Variants in ITGA1 observed in about 807,000 individuals in gnomAD.
ITGA1 encodes the protein integrin alpha-1.
In ITGA1, 85 loss-of-function variants were observed where a neutral mutation model predicts 145.9. The observed-to-expected ratio is 0.58, with a 90% CI of 0.49 to 0.70. The LOEUF is 0.70. Ranked by LOEUF, ITGA1 falls within the 30% of genes least tolerant of loss-of-function variation. The pLI is 0.00. For synonymous variants in ITGA1, 520 were observed against 495.3 expected, an observed-to-expected ratio of 1.05 and a Z score of -0.66; for missense variants, 1,351 against 1,418.7, an observed-to-expected ratio of 0.95 and a Z score of 0.77.
intron 6 of ITGA1, among the ~76,000 whole-genome samples, chr5:52,878,880 G>A (rs1749910405): frequency 6.6e-6 from 1 of 151,080 alleles, no homozygotes; most frequent in South Asian, 2.1e-4. Context: ...TGAGTCATTG[G>A]AGGGAAAAAA....
At chr5:52,884,424 G>A (rs911143037) in intron 7 of ITGA1, among the ~76,000 whole-genome samples, 5 of 147,064 alleles carry the variant, frequency 3.4e-5, no homozygotes, top group Admixed American at 2.1e-4. Context: ...TTCAGCCTGG[G>A]CAACAAGAGC....
At chr5:52,874,454 A>G (rs1379913810) in intron 6 of ITGA1, among the ~76,000 whole-genome samples, 1 of 152,048 alleles carries the variant, frequency 6.6e-6, no homozygotes, top group Admixed American at 6.5e-5. Context: ...GCTACTTTAG[A>G]TACTTCTTTT....
rs917373367 is a variant in ITGA1 at position 52,958,403 on chromosome 5, T to C, written c.*5952T>C. On this transcript the variant is annotated 3_prime_UTR_variant, in exon 29 of 29. Transcript: ENST00000282588. ...TTGATTAAATAAGAGCAAAACTATA[T>C]TCTTATGTGTAGATTAACCAAGGCT... The C allele has an allele frequency of 7.9e-5, 12 of 152,226 alleles. No individual in the cohort carries two copies. The highest frequency in any genetic ancestry group is 2.9e-4 in the African/African-American group (12 of 41,456). 9.4% of individuals were successfully genotyped at this position (152,226 alleles called of 1,614,324 possible).
intron 1 of ITGA1, among the ~76,000 whole-genome samples, chr5:52,810,581 G>T (rs1355776136): frequency 6.6e-6 from 1 of 152,194 alleles, no homozygotes; most frequent in Admixed American, 6.5e-5. Flanking sequence ...GTGTCAGTGT[G>T]TTCTCAGCCT....
At chr5:52,907,159 A>G (rs1008916650) in intron 12 of ITGA1, among the ~76,000 whole-genome samples, 4 of 152,214 alleles carry the variant, frequency 2.6e-5, no homozygotes, top group Non-Finnish European at 4.4e-5. Flanking sequence ...GCAGATTCCC[A>G]GGGCAACAGA....
chr5:52,905,642 T>C, intron 11 of ITGA1, 121 bp from the exon 12 acceptor site: 1 of 836,594 alleles, frequency 1.2e-6, no homozygotes, highest in South Asian at 3.1e-5. Context: ...GAAGAAAAAA[T>C]ATTATTTTCA....
intron 1 of ITGA1, among the ~76,000 whole-genome samples, chr5:52,845,749 A>G (rs1214392642): frequency 6.6e-6 from 1 of 152,210 alleles, no homozygotes; most frequent in Non-Finnish European, 1.5e-5. Context: ...GCCCCTTATA[A>G]CAAGAATTTT....
intron 19 of ITGA1, among the ~76,000 whole-genome samples, chr5:52,927,187 C>T (rs777549711): frequency 3.9e-5 from 6 of 152,104 alleles, no homozygotes; most frequent in African/African-American, 1.4e-4. Context: ...CTGGTGGTCA[C>T]GGGTCAGAGC....
chr5:52,944,232 C>T (rs530311169), intron 26 of ITGA1, among the ~76,000 whole-genome samples: 3 of 152,098 alleles, frequency 2.0e-5, no homozygotes, highest in East Asian at 3.9e-4. Context: ...TGGGAAAATC[C>T]ACCTGCCAGC....
Position 52,952,388 on chromosome 5 carries a change from T to G in ITGA1, c.3496-19T>G. On this transcript the variant is annotated intron_variant, in intron 28 of 28. Transcript: ENST00000282588. ...AATTAAAATAGTTAATTGTGTTATGTTTTGTGTTTTCTCAACAGATTGGAT... is the reference window on the plus strand; with the variant it reads ...AATTAAAATAGTTAATTGTGTTATGGTTTGTGTTTTCTCAACAGATTGGAT... 7.3e-7 allele frequency: 1 copy of G among 1,372,748 alleles called. No homozygotes were observed. Among genetic ancestry groups the G allele is most frequent in the Non-Finnish European group, 1.0e-6 (1 of 1,004,264 alleles). 85.0% of individuals were successfully genotyped at this position (1,372,748 alleles called of 1,614,324 possible).
intron 18 of ITGA1, 40 bp from the exon 19 acceptor site, chr5:52,925,238 T>C (rs1750786630): frequency 2.0e-6 from 3 of 1,490,044 alleles, no homozygotes; most frequent in East Asian, 4.5e-5. Flanking sequence ...CAACAATGCG[T>C]AGCTAAATTT....
chr5:52,854,776 A>T (rs1045299613), intron 2 of ITGA1, among the ~76,000 whole-genome samples: 1 of 152,190 alleles, frequency 6.6e-6, no homozygotes, highest in Non-Finnish European at 1.5e-5. Flanking sequence ...TAACAAGATA[A>T]CTATTGTGAA....
chr5:52,801,463 A>G (rs765143574), intron 1 of ITGA1: 17 of 1,613,970 alleles, frequency 1.1e-5, no homozygotes, highest in Non-Finnish European at 1.4e-5. Flanking sequence ...TTGTGACCCT[A>G]CTGTGGCTAG....
At chr5:52,834,587 G>A (rs893495087) in intron 1 of ITGA1, among the ~76,000 whole-genome samples, 27 of 108,292 alleles carry the variant, frequency 2.5e-4, no homozygotes, top group African/African-American at 4.6e-4. Context: ...GAAAGAAAGA[G>A]AGAGAGAGAA....
intron 12 of ITGA1, among the ~76,000 whole-genome samples, chr5:52,906,760 C>A (rs1340518317): frequency 6.6e-6 from 1 of 152,098 alleles, no homozygotes; most frequent in Admixed American, 6.5e-5. Flanking sequence ...ACTAAATATT[C>A]CAACTCTCTA....
intron 1 of ITGA1, among the ~76,000 whole-genome samples, chr5:52,799,576 G>T (rs577802135): frequency 2.6e-5 from 4 of 152,314 alleles, no homozygotes; most frequent in African/African-American, 9.6e-5. Flanking sequence ...GAATCAGATC[G>T]TGCAGACACG....
chr5:52,945,608 C>T (rs6859171), intron 27 of ITGA1, among the ~76,000 whole-genome samples: 26,840 of 151,902 alleles, frequency 0.18, 2,644 homozygotes, highest in Middle Eastern at 0.26. Flanking sequence ...GCCAAGGTGA[C>T]GGAGTAAGAC....
chr5:52,835,195 C>G (rs1023484345), intron 1 of ITGA1, among the ~76,000 whole-genome samples: 1 of 152,076 alleles, frequency 6.6e-6, no homozygotes, highest in Non-Finnish European at 1.5e-5. Flanking sequence ...ATATTAAGAG[C>G]TAATAAGCCT....
chr5:52,954,754 A>T lies in ITGA1; in HGVS notation c.*2303A>T, dbSNP rs1191893397. 2 of 152,104 alleles carry T rather than the reference A, an allele frequency of 1.3e-5. No homozygotes were observed. Among genetic ancestry groups the T allele is most frequent in the East Asian group, 3.9e-4 (2 of 5,190 alleles). 9.4% of individuals were successfully genotyped at this position (152,104 alleles called of 1,614,324 possible). A position where few individuals can be genotyped will look rare whatever the true frequency, so the allele number is the denominator to read the frequency against. ...TATATCTGCAAGACAAGTTTGATTCATCTAGTTTCATATAGTTTCATATAG... is the reference window on the plus strand; with the variant it reads ...TATATCTGCAAGACAAGTTTGATTCTTCTAGTTTCATATAGTTTCATATAG... On this transcript the variant is annotated 3_prime_UTR_variant, in exon 29 of 29. Coordinates refer to ENST00000282588, the MANE Select transcript of ITGA1 (RefSeq NM_181501.2).
Sources: allele counts gnomAD v4.1 joint callset (sites outside exome capture counted in the v4.1 genomes callset), GRCh38; gene constraint gnomAD v4.1.1; transcripts MANE v1.5; gene names NCBI Gene and HGNC (gene_info 2026-07-23, HGNC 2026-07-21).